PCNX2: variants seen among roughly 807,000 people sequenced by gnomAD.
PCNX2 encodes pecanex 2.
In PCNX2, 168 loss-of-function variants were observed where a neutral mutation model predicts 223.8. The observed-to-expected ratio is 0.75, with a 90% confidence interval of 0.66 to 0.85. The LOEUF is 0.85. Ranked by LOEUF, PCNX2 falls within the 40% of genes least tolerant of loss-of-function variation. The pLI, the probability that PCNX2 is intolerant of heterozygous loss-of-function variation, is 0.00. For missense variants in PCNX2, 2,507 were observed against 2,675.5 expected (o/e 0.94, Z 1.39); for synonymous variants, 1,006 against 1,052.6 (o/e 0.96, Z 0.86).
chr1:233,080,252 T>TTTTCC (rs1673293032), intron 23 of PCNX2, among the ~76,000 whole-genome samples: 1 of 152,160 alleles, frequency 6.6e-6, no homozygotes, highest in Non-Finnish European at 1.5e-5. Context: ...TTTCTATTTC[T>TTTTCC]TTTGGAAAGT....
the PCNX2 span, among the ~76,000 whole-genome samples, chr1:233,318,741 AT>A: frequency 6.6e-6 from 1 of 151,358 alleles, no homozygotes; most frequent in Non-Finnish European, 1.5e-5. Flanking sequence ...TAAGTTTTGT[AT>A]TTTTAGTAGA....
In PCNX2 at chr1:233,160,309, T is replaced by C; in HGVS notation, c.3491A>G (p.Lys1164Arg). Residue 1164 changes from lysine to arginine, a missense_variant, in exon 19 of 34, where the codon AAA becomes AGA. Lys to Arg is a conservative substitution (Grantham distance 26). Coordinates refer to ENST00000258229, the MANE Select transcript of PCNX2 (RefSeq NM_014801.4). ...TCTCACTTCCCGTTGATGATACTCT[T>C]TGTTTTTGAGAATGGGGTGTGAAAT... ...MWISHPILKN[K>R]EYHQREVRDV... 2 of 1,613,776 alleles carry C rather than the reference T, an allele frequency of 1.2e-6. No homozygotes were observed. The highest frequency in any genetic ancestry group is 1.7e-6 in the Non-Finnish European group (2 of 1,179,744).
At position 232,998,285 on chromosome 1, in the gene PCNX2, G is replaced by A. The variant is rs954762428; in HGVS notation, c.5757C>T (p.His1919=). ...GTGTCCCTTCACAGGATGACACCCCGTGCTGAGCACCGCCTTTTCTGGGCT... is the reference window on the plus strand; with the variant it reads ...GTGTCCCTTCACAGGATGACACCCCATGCTGAGCACCGCCTTTTCTGGGCT... The part of the protein sequence containing the change: ...AEQPRKGGAQ[H]GVSSCEGTQR... The change falls in exon 32 of 34, where the codon CAC becomes CAT. Residue 1919 remains histidine (H), a synonymous_variant. Transcript: ENST00000258229. The A allele has an allele frequency of 4.4e-6, 7 of 1,602,678 alleles. No homozygotes were observed. The highest frequency in any genetic ancestry group is 1.7e-4 in the Middle Eastern group (1 of 6,042).
chr1:233,054,254 G>T lies in PCNX2; in HGVS notation c.4351+14C>A. 1 of 1,608,192 alleles carries T rather than the reference G, an allele frequency of 6.2e-7. No homozygotes were observed. Among genetic ancestry groups the T allele is most frequent in the Non-Finnish European group, 8.5e-7 (1 of 1,175,704 alleles). On this transcript the variant is annotated intron_variant, in intron 25 of 33. Coordinates refer to ENST00000258229, the MANE Select transcript of PCNX2 (RefSeq NM_014801.4). ...ACCAACTTTCAACAGTTTCTACAAT[G>T]AAGAAATTCTTACCTCGGAATTCCA...
intron 23 of PCNX2, among the ~76,000 whole-genome samples, chr1:233,080,919 T>A (rs1205270295): frequency 3.9e-5 from 6 of 152,194 alleles, no homozygotes; most frequent in Admixed American, 3.9e-4. Context: ...TCCTGAAGAC[T>A]CCCTGTTAGC....
chr1:233,241,347 A>G, intron 8 of PCNX2: 1 of 985,442 alleles, frequency 1.0e-6, no homozygotes, highest in Non-Finnish European at 1.2e-6. Flanking sequence ...TTTCAGAGAA[A>G]ATGCCCCAGA....
chr1:233,119,403 C>CAAAAAAAAAAAAAAAAA (rs71173251), intron 21 of PCNX2, among the ~76,000 whole-genome samples: 5 of 38,626 alleles, frequency 1.3e-4, no homozygotes, highest in African/African-American at 2.3e-4. Flanking sequence ...ACTAAAAATA[C>CAAAAAAAAAAAAAAAAA]AAAAAAAAAA....
Position 233,295,355 on chromosome 1 carries a change from G to C in PCNX2, c.124C>G (p.Leu42Val). Reference protein sequence around the residue: ...NSCHLYLWLFLLLLPLALHLA... With the variant: ...NSCHLYLWLFVLLLPLALHLA... ...TGCAGGGCCAGGGGCAGCAGCAGGAGGAACAGCCACAGGTAGAGGTGGCAG... is the reference window on the plus strand; with the variant it reads ...TGCAGGGCCAGGGGCAGCAGCAGGACGAACAGCCACAGGTAGAGGTGGCAG... Residue 42 changes from leucine to valine, a missense_variant, in exon 1 of 34, where the codon CTC (leucine) becomes GTC (valine). Physicochemically the swap from Leu to Val is conservative, Grantham distance 32. This residue lies in a region of PCNX2 where 1,031 missense variants were observed against 1,021.7 expected (regional missense o/e 1.01). Coordinates refer to ENST00000258229, the MANE Select transcript of PCNX2 (RefSeq NM_014801.4). This position sits in a 1 kb window ranked among gnomAD's most constrained non-coding sequence, Gnocchi z 4.1. 1 of 1,571,288 alleles carries C rather than the reference G, an allele frequency of 6.4e-7. No homozygotes were observed. The highest frequency in any genetic ancestry group is 8.6e-7 in the Non-Finnish European group (1 of 1,157,984).
rs1160625472 is a variant in PCNX2 at position 233,079,527 on chromosome 1, C to CAAA, written c.4076+10531_4076+10533dup. Among the ~76,000 whole-genome samples the CAAA allele has an allele frequency of 5.8e-5, 4 of 69,414 alleles. No homozygotes were observed. The East Asian group carries it at 1.1e-3, about 19-fold the overall frequency. The allele number at this position is 69,414 out of a possible 152,430, so 45.5% of individuals were successfully genotyped here. The stretch of plus-strand genomic sequence containing the variant: ...TGGGCGACAGTGCAACACTCCGTCT[C>CAAA]AAAAAAAAAAAAAAAAAAGTAAAAG... On this transcript the variant is annotated intron_variant, in intron 23 of 33. Coordinates refer to ENST00000258229, the MANE Select transcript of PCNX2 (RefSeq NM_014801.4).
chr1:233,196,191 T>C (rs1680717267), intron 15 of PCNX2, among the ~76,000 whole-genome samples: 1 of 152,116 alleles, frequency 6.6e-6, no homozygotes, highest in Non-Finnish European at 1.5e-5. Flanking sequence ...CCTCATGTCA[T>C]ACACAAAAAT....
At position 233,221,122 on chromosome 1, in the gene PCNX2, A is replaced by G. The variant is rs543056645; in HGVS notation, c.2505-2938T>C. Reference sequence around the variant, plus strand: ...CTGATATATTACAGAATAATAGAATAGGGTAGAAAGATAACATAGAAATAT... The same window carrying G: ...CTGATATATTACAGAATAATAGAATGGGGTAGAAAGATAACATAGAAATAT... On this transcript the variant is annotated intron_variant, in intron 10 of 33. Coordinates refer to ENST00000258229, the MANE Select transcript of PCNX2 (RefSeq NM_014801.4). Among the ~76,000 whole-genome samples, 15 of 152,320 alleles carry G rather than the reference A, an allele frequency of 9.8e-5. No homozygotes were observed. In the South Asian group the frequency reaches 3.1e-3, roughly 32 times the overall value.
rs368652947 is a variant in PCNX2, at chr1:233,025,413, A to G, written c.4352-14T>C. On this transcript the variant is annotated splice_polypyrimidine_tract_variant and intron_variant, in intron 25 of 33. Transcript: ENST00000258229. Reference sequence around the variant, plus strand: ...GGCAGTAGGTTCCTGGCCGAGCACAAACATGAAGGAAGTTTGAAGAGAAGG... The same window carrying G: ...GGCAGTAGGTTCCTGGCCGAGCACAGACATGAAGGAAGTTTGAAGAGAAGG... 43 of 1,612,008 alleles carry G rather than the reference A, an allele frequency of 2.7e-5. No individual in the cohort carries two copies. The highest frequency in any genetic ancestry group is 3.5e-5 in the Non-Finnish European group (41 of 1,178,486).
At chr1:233,297,460 G>A (rs1662188656), upstream of PCNX2, among the ~76,000 whole-genome samples, 1 of 152,160 alleles carries the variant, frequency 6.6e-6, no homozygotes, top group Non-Finnish European at 1.5e-5. Context: ...GGAAGCACTG[G>A]GGCACTGTGG....
intron 10 of PCNX2, among the ~76,000 whole-genome samples, chr1:233,222,960 G>A (rs1657478172): frequency 6.6e-6 from 1 of 152,116 alleles, no homozygotes. Context: ...ATATAAATCC[G>A]AGTGTCACTG....
intron 26 of PCNX2, among the ~76,000 whole-genome samples, chr1:233,017,606 A>C (rs576591999): frequency 2.6e-5 from 4 of 151,862 alleles, no homozygotes. Flanking sequence ...ATGAGCCACC[A>C]TGCCTGGCCT....
intron 21 of PCNX2, among the ~76,000 whole-genome samples, chr1:233,116,171 A>C (rs1259933256): frequency 6.6e-6 from 1 of 152,206 alleles, no homozygotes; most frequent in Admixed American, 6.5e-5. Context: ...ACAAATCACA[A>C]TTATGATTGG....
rs906446880 is a variant in PCNX2, at chr1:233,252,251, C to T, written c.2128+103G>A. The T allele has an allele frequency of 3.8e-6, 5 of 1,321,650 alleles. No homozygotes were observed. The African/African-American group carries it at 5.9e-5, about 16-fold the overall frequency. The allele number at this position is 1,321,650 out of a possible 1,614,324, so 81.9% of individuals were successfully genotyped here. A position where few individuals can be genotyped will look rare whatever the true frequency, so the allele number is the denominator to read the frequency against. The stretch of plus-strand genomic sequence containing the variant: ...GTGGGCAACCACAGGGTTAAGTCTT[C>T]CAGTTCTCAAGTCTAGTACTCATGC... On this transcript the variant is annotated intron_variant, in intron 7 of 33. Coordinates refer to ENST00000258229, the MANE Select transcript of PCNX2 (RefSeq NM_014801.4).
At chr1:233,214,815 G>A (rs1045217100) in intron 12 of PCNX2, among the ~76,000 whole-genome samples, 1 of 151,860 alleles carries the variant, frequency 6.6e-6, no homozygotes, top group African/African-American at 2.4e-5. Flanking sequence ...TTGAGCCCAG[G>A]GGCTACTGTA....
chr1:233,236,722 A>G, intron 9 of PCNX2, 123 bp downstream of exon 9: 2 of 1,403,544 alleles, frequency 1.4e-6, no homozygotes, highest in South Asian at 2.7e-5. Flanking sequence ...TATATCAACA[A>G]CCCGTGATGC....
Sources: allele counts gnomAD v4.1 joint callset (sites outside exome capture counted in the v4.1 genomes callset), GRCh38; gene constraint gnomAD v4.1.1; regional missense constraint gnomAD v4.1.1; non-coding constraint Gnocchi (gnomAD v3.1); transcripts MANE v1.5; gene names NCBI Gene and HGNC (gene_info 2026-07-23, HGNC 2026-07-21).